The following FOXP2 variants were observed in gnomAD, a reference collection of about 807,000 sequenced individuals.
FOXP2 encodes the protein forkhead box protein P2.
A neutral mutation model predicts 115.8 loss-of-function variants in FOXP2; 12 were observed. That is an observed-to-expected ratio of 0.10 (90% CI 0.07 to 0.17). FOXP2 has a LOEUF of 0.17. FOXP2 is among the 10% of genes least tolerant of loss of function. FOXP2 has a pLI of 1.00. For missense variants in FOXP2, 629 were observed against 843.5 expected, an observed-to-expected ratio of 0.75 and a Z score of 3.15; for synonymous variants, 328 against 297.7, an observed-to-expected ratio of 1.10 and a Z score of -1.05.
At chr7:114,294,875 C>A (rs148938173) in intron 2 of FOXP2, among the ~76,000 whole-genome samples, 4,972 of 106,208 alleles carry the variant, frequency 0.047, 117 homozygotes, top group Admixed American at 0.069. Context: ...TACATACATA[C>A]ATACATACAT....
chr7:114,176,221 CTTGTCTTGTCT>C (rs1364735663), intron 1 of FOXP2, among the ~76,000 whole-genome samples: 41 of 146,618 alleles, frequency 2.8e-4, no homozygotes, highest in African/African-American at 1.0e-3. Flanking sequence ...CTTGTCTTGT[CTTGTCTTGTCT>C]TTTCTTTCTT....
At chr7:114,226,758 T>A (rs1285623805) in intron 1 of FOXP2, among the ~76,000 whole-genome samples, 3 of 152,156 alleles carry the variant, frequency 2.0e-5, no homozygotes, top group Non-Finnish European at 1.5e-5. Flanking sequence ...TTCTTATTTA[T>A]CTTAATCATT....
rs542319854 is a variant in FOXP2, at chr7:114,389,887, G to T, written c.-10-36615G>T. ...AAAAATACAAAAATTAGTTGGGCAT[G>T]GTGGCATGCTCCTGTAATCCTAGCT... On this transcript the variant is annotated intron_variant, in intron 2 of 17. Coordinates refer to the FOXP2 transcript ENST00000634411. Among the ~76,000 whole-genome samples, 8 of 152,038 alleles carry T rather than the reference G, an allele frequency of 5.3e-5. No homozygotes were observed. The South Asian group carries it at 1.5e-3, about 28-fold the overall frequency.
intron 3 of FOXP2, among the ~76,000 whole-genome samples, chr7:114,536,111 T>C (rs1392449394): frequency 2.0e-5 from 3 of 151,534 alleles, no homozygotes; most frequent in Middle Eastern, 3.2e-3. Context: ...GCAAATGAAA[T>C]GTTTATCCTC....
intron 2 of FOXP2, among the ~76,000 whole-genome samples, chr7:114,335,750 G>A (rs956355644): frequency 2.6e-5 from 4 of 151,642 alleles, no homozygotes; most frequent in Admixed American, 2.6e-4. Flanking sequence ...AATGTTAAAT[G>A]GTGTGTGATT....
At chr7:114,617,860 G>A (rs1008851062) in intron 3 of FOXP2, among the ~76,000 whole-genome samples, 3 of 152,124 alleles carry the variant, frequency 2.0e-5, no homozygotes, top group African/African-American at 7.2e-5. Flanking sequence ...TGATAGCCAT[G>A]GCCCTTTCCT....
At chr7:114,149,166 T>A (rs1792464420) in intron 1 of FOXP2, among the ~76,000 whole-genome samples, 1 of 152,090 alleles carries the variant, frequency 6.6e-6, no homozygotes, top group South Asian at 2.1e-4. Context: ...CCTTTTTTCA[T>A]GGAACATCAG....
intron 1 of FOXP2, among the ~76,000 whole-genome samples, chr7:114,163,641 T>A (rs1311733143): frequency 6.6e-6 from 1 of 152,166 alleles, no homozygotes; most frequent in African/African-American, 2.4e-5. Flanking sequence ...TCCCTATCTG[T>A]TAGGAAAAAC....
chr7:114,259,425 A>G (rs1795693681), intron 1 of FOXP2, among the ~76,000 whole-genome samples: 1 of 152,340 alleles, frequency 6.6e-6, no homozygotes, highest in East Asian at 1.9e-4. Context: ...CATCTTTCAT[A>G]TAGAGTGATT....
chr7:114,126,649 G>A (rs1791718345), intron 1 of FOXP2, among the ~76,000 whole-genome samples: 1 of 152,090 alleles, frequency 6.6e-6, no homozygotes, highest in Non-Finnish European at 1.5e-5. Context: ...ATCTTGCAGT[G>A]AAAACCCTTA....
chr7:114,307,515 G>A (rs1422688815), intron 2 of FOXP2, among the ~76,000 whole-genome samples: 4 of 152,128 alleles, frequency 2.6e-5, no homozygotes, highest in Non-Finnish European at 5.9e-5. Context: ...GCATTCTGTG[G>A]CCCTTTCTCC....
At chr7:114,622,971 G>A (rs1804334752) in intron 3 of FOXP2, among the ~76,000 whole-genome samples, 1 of 151,768 alleles carries the variant, frequency 6.6e-6, no homozygotes, top group East Asian at 1.9e-4. Context: ...ATAAATGATG[G>A]TGTTTTCATA....
At chr7:114,412,620 A>G (rs906841096), upstream of FOXP2, among the ~76,000 whole-genome samples, 1 of 152,136 alleles carries the variant, frequency 6.6e-6, no homozygotes, top group Non-Finnish European at 1.5e-5. Context: ...ACTGAAGGTT[A>G]ATGTCATTGT....
chr7:114,172,297 G>A (rs957114240), intron 1 of FOXP2, among the ~76,000 whole-genome samples: 8 of 152,124 alleles, frequency 5.3e-5, no homozygotes, highest in African/African-American at 1.4e-4. Flanking sequence ...GCCTGTATAT[G>A]ACATTCTGTA....
chr7:114,324,503 C>A (rs1261652398), intron 2 of FOXP2, among the ~76,000 whole-genome samples: 1 of 151,820 alleles, frequency 6.6e-6, no homozygotes, highest in Non-Finnish European at 1.5e-5. Context: ...TAGATTATTG[C>A]TTGCTGATAT....
chr7:114,139,064 A>G (rs1381227845), intron 1 of FOXP2, among the ~76,000 whole-genome samples: 3 of 152,198 alleles, frequency 2.0e-5, no homozygotes, highest in Non-Finnish European at 4.4e-5. Context: ...AACAGGGGTT[A>G]CAGGGGGCAG....
At chr7:114,390,023 C>CAAAAAAAAAAAA (rs11311566) in intron 2 of FOXP2, among the ~76,000 whole-genome samples, 1 of 93,192 alleles carries the variant, frequency 1.1e-5, no homozygotes, top group Non-Finnish European at 2.0e-5. Context: ...CATTCAGTGT[C>CAAAAAAAAAAAA]AAAAAAAAAA....
In FOXP2 at chr7:114,225,716, G is replaced by A. The variant is rs113570114; in HGVS notation, c.-101-62303G>A. 9.0e-3 allele frequency among the ~76,000 whole-genome samples: 1,377 copies of A among 152,226 alleles called. 7 individuals carry two copies. Among genetic ancestry groups the A allele is most frequent in the Admixed American group, 0.015 (222 of 15,288 alleles). ...GGTCTTCCTGTCTTGGCCGCCCAAA[G>A]TGCTGGGATTTCAGGTGTGAGACAC... is the stretch of plus-strand genomic sequence containing the variant. On this transcript the variant is annotated intron_variant, in intron 1 of 17. Transcript: ENST00000634411.
chr7:114,514,204 A>C (rs1798217558), intron 2 of FOXP2, among the ~76,000 whole-genome samples: 1 of 152,092 alleles, frequency 6.6e-6, no homozygotes, highest in Non-Finnish European at 1.5e-5. Context: ...TATGCATTGC[A>C]GAATGACTAA....
Sources: allele counts gnomAD v4.1 joint callset (sites outside exome capture counted in the v4.1 genomes callset), GRCh38; gene constraint gnomAD v4.1.1; transcripts MANE v1.5; gene names NCBI Gene and HGNC (gene_info 2026-07-23, HGNC 2026-07-21).